IFT81: variants seen among roughly 807,000 people sequenced by gnomAD.
IFT81 encodes intraflagellar transport 81, also known as intraflagellar transport protein 81 homolog.
In IFT81, 72 loss-of-function variants were observed where a neutral mutation model predicts 102.6. That is an observed-to-expected ratio of 0.70 (90% CI 0.58 to 0.85). The LOEUF is 0.85. Ranked by LOEUF, IFT81 falls within the 40% of genes least tolerant of loss-of-function variation. The pLI is 0.00. For missense variants in IFT81, 723 were observed against 787.3 expected (o/e 0.92, Z 0.98); for synonymous variants, 237 against 242.7 (o/e 0.98, Z 0.22).
Position 110,128,955 on chromosome 12 carries a change from CT to C in IFT81, c.258del (p.Arg87ValfsTer5). 1 of 1,612,900 alleles carries C rather than the reference CT, an allele frequency of 6.2e-7. No homozygotes were observed. The highest frequency in any genetic ancestry group is 1.1e-5 in the South Asian group (1 of 90,968). On this transcript the variant is annotated frameshift_variant, in exon 4 of 19. Transcript: ENST00000242591. LOFTEE classifies it high-confidence loss of function. ...KPSGNATDMS[T>X]FRQGLVIGSK... ...TATGTGTGTTTCTCTCTTAGGAGTA[CT>C]TTTCGTCAGGGTTTGGTGATTGGAA...
chr12:110,200,689 C>T (rs529760375), intron 14 of IFT81, among the ~76,000 whole-genome samples: 2 of 152,248 alleles, frequency 1.3e-5, no homozygotes, highest in Admixed American at 6.5e-5. Flanking sequence ...GTGGCTCACG[C>T]TTGTAATCCC....
chr12:110,127,354 C>T lies in IFT81; in HGVS notation c.-21-6C>T. The T allele has an allele frequency of 6.8e-7, 1 of 1,469,626 alleles. No homozygotes were observed. The highest frequency in any genetic ancestry group is 1.5e-5 in the African/African-American group (1 of 68,104). The allele number at this position is 1,469,626 out of a possible 1,614,324, so 91.0% of individuals were successfully genotyped here. ...AAGGATTTTTTTTTCTATTTTTACT[C>T]TTTAGTTAAAATTATAAGACCTAAT... On this transcript the variant is annotated splice_polypyrimidine_tract_variant and splice_region_variant and intron_variant, in intron 1 of 18. Coordinates refer to ENST00000242591, the MANE Select transcript of IFT81 (RefSeq NM_014055.4).
At chr12:110,187,344 G>A (rs7952823) in intron 12 of IFT81, among the ~76,000 whole-genome samples, 73,160 of 151,816 alleles carry the variant, frequency 0.48, 19,992 homozygotes, top group African/African-American at 0.75. Flanking sequence ...GCTCACTGCA[G>A]CCTCCACCTC....
At chr12:110,217,593 T>C (rs1466342886) in intron 18 of IFT81, among the ~76,000 whole-genome samples, 1 of 152,072 alleles carries the variant, frequency 6.6e-6, no homozygotes, top group Non-Finnish European at 1.5e-5. Flanking sequence ...GACAGAGTCT[T>C]GCTCTGTTGC....
intron 11 of IFT81, among the ~76,000 whole-genome samples, chr12:110,164,933 T>A (rs1389542769): frequency 1.3e-5 from 2 of 152,170 alleles, no homozygotes; most frequent in Non-Finnish European, 2.9e-5. Context: ...TCACAGGAAA[T>A]ACTAATTGTT....
intron 14 of IFT81, among the ~76,000 whole-genome samples, chr12:110,202,259 G>A (rs1898322711): frequency 6.6e-6 from 1 of 152,166 alleles, no homozygotes; most frequent in African/African-American, 2.4e-5. Context: ...GGTCCGTTGT[G>A]ACTGAAACAT....
chr12:110,218,187 G>C lies in IFT81; in HGVS notation c.1992G>C (p.Gln664His), dbSNP rs1484801367. ...AACAAAGCCAAACTTCCATTGGTCA[G>C]GTAATTCAGGAGGGTGGGGAGGACC... ...LKQQSQTSIGQVIQEGGEDRL... is the reference protein window; with the variant it reads ...LKQQSQTSIGHVIQEGGEDRL... The change falls in exon 19 of 19, where the codon CAG becomes CAC. Residue 664 changes from glutamine to histidine, a missense_variant. By Grantham distance (24) the Gln-to-His change is conservative (BLOSUM62 0). Coordinates refer to ENST00000242591, the MANE Select transcript of IFT81 (RefSeq NM_014055.4). 6.3e-7 allele frequency: 1 copy of C among 1,578,390 alleles called. No individual in the cohort carries two copies.
intron 12 of IFT81, among the ~76,000 whole-genome samples, chr12:110,184,397 A>G (rs1370744093): frequency 6.6e-6 from 1 of 152,098 alleles, no homozygotes; most frequent in Middle Eastern, 3.2e-3. Flanking sequence ...TGAGCCTGTT[A>G]TTTTATCTCT....
At chr12:110,191,135 A>G in intron 13 of IFT81, 87 bp downstream of exon 13, 1 of 1,167,738 alleles carries the variant, frequency 8.6e-7, no homozygotes, top group Non-Finnish European at 1.2e-6. Flanking sequence ...TGAAACATTC[A>G]CCTGTTAATT....
chr12:110,200,862 A>C (rs1460394178), intron 14 of IFT81, among the ~76,000 whole-genome samples: 1 of 151,926 alleles, frequency 6.6e-6, no homozygotes, highest in South Asian at 2.1e-4. Flanking sequence ...AGGCAGGAGA[A>C]TTGCTTGAAC....
intron 17 of IFT81, among the ~76,000 whole-genome samples, chr12:110,206,735 T>TCAA (rs1201552238): frequency 6.6e-6 from 1 of 151,940 alleles, no homozygotes; most frequent in Non-Finnish European, 1.5e-5. Flanking sequence ...GAATTTTTTT[T>TCAA]CAATGTAATG....
intron 18 of IFT81, among the ~76,000 whole-genome samples, chr12:110,217,797 C>G (rs1169441944): frequency 6.6e-6 from 1 of 151,936 alleles, no homozygotes; most frequent in Non-Finnish European, 1.5e-5. Flanking sequence ...TTTAGTAGAG[C>G]TCTTGATCTC....
At position 110,165,545 on chromosome 12, in the gene IFT81, C is replaced by T. The variant is rs1199492691; in HGVS notation, c.1188+2480C>T. Among the ~76,000 whole-genome samples the T allele has an allele frequency of 2.0e-5, 3 of 152,136 alleles. No homozygotes were observed. In the East Asian group the frequency reaches 5.8e-4, roughly 29 times the overall value. ...GGAAAGAACACTATGCCAGGAATCA[C>T]ATGCAAAATGAGGAAAGGGGGACTC... On this transcript the variant is annotated intron_variant, in intron 11 of 18. Coordinates refer to ENST00000242591, the MANE Select transcript of IFT81 (RefSeq NM_014055.4).
At chr12:110,201,089 A>G (rs1451294330) in intron 14 of IFT81, among the ~76,000 whole-genome samples, 1 of 151,992 alleles carries the variant, frequency 6.6e-6, no homozygotes, top group Non-Finnish European at 1.5e-5. Flanking sequence ...TCCTTCTTTT[A>G]TATGCTTTTT....
Position 110,128,932 on chromosome 12 carries a change from T to A in IFT81, c.249-18T>A. 1 of 1,603,172 alleles carries A rather than the reference T, an allele frequency of 6.2e-7. No homozygotes were observed. Among genetic ancestry groups the A allele is most frequent in the East Asian group, 2.2e-5 (1 of 44,620 alleles). ...CGTTAAGTGCGTGTGTGTTTGTGTATGTGTGTTTCTCTCTTAGGAGTACTT... is the reference window on the plus strand; with the variant it reads ...CGTTAAGTGCGTGTGTGTTTGTGTAAGTGTGTTTCTCTCTTAGGAGTACTT... On this transcript the variant is annotated intron_variant, in intron 3 of 18. Transcript: ENST00000242591.
Position 110,154,554 on chromosome 12 carries a change from G to C in IFT81, c.1041+7506G>C, listed in dbSNP as rs534461154. ...GCTGAGATGGAAAAATTGAACCCGGGAGGTAGAGGTTGCAGTGAGTCAAGA... is the reference window on the plus strand; with the variant it reads ...GCTGAGATGGAAAAATTGAACCCGGCAGGTAGAGGTTGCAGTGAGTCAAGA... On this transcript the variant is annotated intron_variant, in intron 10 of 18. Coordinates refer to ENST00000242591, the MANE Select transcript of IFT81 (RefSeq NM_014055.4). Among the ~76,000 whole-genome samples the C allele has an allele frequency of 4.0e-5, 6 of 150,124 alleles. No individual in the cohort carries two copies. In the East Asian group the frequency reaches 9.9e-4, roughly 25 times the overall value.
chr12:110,169,554 A>G (rs1896639099), intron 11 of IFT81, among the ~76,000 whole-genome samples: 1 of 152,056 alleles, frequency 6.6e-6, no homozygotes, highest in South Asian at 2.1e-4. Context: ...AATGTCTACC[A>G]CTTGAGCTTT....
chr12:110,172,135 A>C (rs1467831907), intron 11 of IFT81: 3 of 152,156 alleles, frequency 2.0e-5, no homozygotes, highest in Non-Finnish European at 4.4e-5. Flanking sequence ...TTTTTATTTT[A>C]AAAAATGGTT....
chr12:110,209,102 T>G (rs916522654), intron 17 of IFT81, 69 bp from the exon 18 acceptor site: 34 of 841,906 alleles, frequency 4.0e-5, no homozygotes, highest in African/African-American at 3.5e-4. Context: ...ATATATTAAT[T>G]TATAATTCAC....
Sources: gnomAD v4.1 joint callset for allele counts (sites outside exome capture counted in the v4.1 genomes callset) on GRCh38, gnomAD v4.1.1 for gene constraint, MANE v1.5 for transcripts, NCBI Gene and HGNC (gene_info 2026-07-23, HGNC 2026-07-21) for gene names.